The following EBF2 variants were observed in gnomAD, a reference collection of about 807,000 sequenced individuals.
The protein encoded by EBF2 is transcription factor COE2.
Under a neutral mutation model 72.8 loss-of-function variants are expected in EBF2, and 21 were observed. That is an observed-to-expected ratio of 0.29 (90% CI 0.20 to 0.42). The LOEUF (loss-of-function observed/expected upper bound fraction) is 0.42, where lower values mean the gene tolerates loss of function less well. Among genes scored for constraint, EBF2 ranks in the 10% least tolerant of loss-of-function variants. EBF2 has a pLI of 1.00. For missense variants in EBF2, 637 were observed against 731.2 expected (o/e 0.87, Z 1.49); for synonymous variants, 299 against 274.2 (o/e 1.09, Z -0.89).
intron 6 of EBF2, among the ~76,000 whole-genome samples, chr8:25,909,707 A>G (rs1393028081): frequency 2.0e-5 from 3 of 152,236 alleles, no homozygotes; most frequent in Non-Finnish European, 2.9e-5. Context: ...CACACAAAAG[A>G]ATTAGATAGC....
At chr8:25,899,126 G>A (rs1353655168) in intron 7 of EBF2, among the ~76,000 whole-genome samples, 4 of 152,030 alleles carry the variant, frequency 2.6e-5, no homozygotes, top group Non-Finnish European at 5.9e-5. Flanking sequence ...CAAAATTTAG[G>A]GGTGGAGGCA....
intron 6 of EBF2, among the ~76,000 whole-genome samples, chr8:26,000,883 A>G (rs569913802): frequency 1.3e-5 from 2 of 152,340 alleles, no homozygotes; most frequent in South Asian, 2.1e-4. Context: ...ATAAAGGAAA[A>G]TCGTTGTATT....
intron 6 of EBF2, among the ~76,000 whole-genome samples, chr8:25,985,635 A>T (rs568560454): frequency 6.6e-6 from 1 of 152,298 alleles, no homozygotes; most frequent in African/African-American, 2.4e-5. Flanking sequence ...ATTCACTGAA[A>T]GATTATTCAT....
intron 10 of EBF2, among the ~76,000 whole-genome samples, chr8:25,879,710 C>A (rs986739428): frequency 6.6e-6 from 1 of 152,174 alleles, no homozygotes; most frequent in African/African-American, 2.4e-5. Flanking sequence ...CAACTTTAAT[C>A]CTGCATGCTG....
rs574093457 is a variant in EBF2 at position 25,943,633 on chromosome 8, C to T, written c.552-35078G>A. 1.3e-4 allele frequency among the ~76,000 whole-genome samples: 20 copies of T among 152,276 alleles called. 1 individual carries two copies. The South Asian group carries it at 4.1e-3, about 32-fold the overall frequency. On this transcript the variant is annotated intron_variant, in intron 6 of 15. Coordinates refer to ENST00000520164, the MANE Select transcript of EBF2 (RefSeq NM_022659.4). ...TTGTACCTGGTTCACCCTCAGAAAA[C>T]ATGGTGACTGCTTTAGTTCCAGGGA... is the stretch of plus-strand genomic sequence containing the variant.
chr8:25,961,584 A>C (rs1170456732), intron 6 of EBF2, among the ~76,000 whole-genome samples: 2 of 152,056 alleles, frequency 1.3e-5, no homozygotes, highest in Non-Finnish European at 2.9e-5. Context: ...GCTGGTCTTG[A>C]ACTCTTGACC....
intron 7 of EBF2, among the ~76,000 whole-genome samples, chr8:25,899,459 T>C (rs1802913585): frequency 6.6e-6 from 1 of 152,192 alleles, no homozygotes; most frequent in African/African-American, 2.4e-5. Context: ...CACTGAAAGA[T>C]GTGAACTGAA....
intron 6 of EBF2, among the ~76,000 whole-genome samples, chr8:26,003,740 A>T (rs1390373561): frequency 2.0e-5 from 3 of 152,176 alleles, no homozygotes; most frequent in Non-Finnish European, 4.4e-5. Context: ...GGAAGAGGTG[A>T]CAGCCAGGAT....
At chr8:26,043,749 G>C (rs1805650312) in intron 1 of EBF2, among the ~76,000 whole-genome samples, 1 of 152,198 alleles carries the variant, frequency 6.6e-6, no homozygotes, top group Non-Finnish European at 1.5e-5. Flanking sequence ...GTGGCCAGGA[G>C]GGCAGCAGGG....
rs963058176 is a variant in EBF2 at position 25,920,588 on chromosome 8, G to T, written c.552-12033C>A. Among the ~76,000 whole-genome samples the T allele has an allele frequency of 3.3e-5, 5 of 152,192 alleles. No homozygotes were observed. The South Asian group carries it at 6.2e-4, about 19-fold the overall frequency. On this transcript the variant is annotated intron_variant, in intron 6 of 15. Transcript: ENST00000520164. ...TGGAGAGAAAGCGATTGTGACCCAC[G>T]CAGAGTTAGTTAGCTTTTGAGTAAT...
Position 25,908,010 on chromosome 8 carries a change from G to A in EBF2, c.633+464C>T, listed in dbSNP as rs1487030884. Among the ~76,000 whole-genome samples, 11 of 152,208 alleles carry A rather than the reference G, an allele frequency of 7.2e-5. No individual in the cohort carries two copies. In the East Asian group the frequency reaches 1.9e-3, roughly 27 times the overall value. On this transcript the variant is annotated intron_variant, in intron 7 of 15. Coordinates refer to ENST00000520164, the MANE Select transcript of EBF2 (RefSeq NM_022659.4). ...CCCGTGGGTCTTGTTGTCACGCTGC[G>A]ATCTTAAAGTGACCACGCTGCTTGG...
In EBF2 at chr8:25,952,699, G is replaced by T. The variant is rs1431345991; in HGVS notation, c.552-44144C>A. Among the ~76,000 whole-genome samples the T allele has an allele frequency of 3.9e-5, 6 of 152,140 alleles. No individual in the cohort carries two copies. In the East Asian group the frequency reaches 1.2e-3, roughly 29 times the overall value. On this transcript the variant is annotated intron_variant, in intron 6 of 15. Coordinates refer to ENST00000520164, the MANE Select transcript of EBF2 (RefSeq NM_022659.4). ...AGCCCTTCATCTATGCAAGTTTTAT[G>T]CTCTATTTCAAACCCAAGTGAATGT...
chr8:25,967,124 C>T (rs1486779176), intron 6 of EBF2, among the ~76,000 whole-genome samples: 1 of 152,108 alleles, frequency 6.6e-6, no homozygotes, highest in Non-Finnish European at 1.5e-5. Flanking sequence ...ATCAAAACTC[C>T]AACTAATGGT....
chr8:26,014,221 C>T (rs1400891068), intron 6 of EBF2, among the ~76,000 whole-genome samples: 1 of 152,058 alleles, frequency 6.6e-6, no homozygotes, highest in Non-Finnish European at 1.5e-5. Context: ...AAGATTCACT[C>T]TGGACACTCC....
rs531035763 is a variant in EBF2 at position 25,977,219 on chromosome 8, C to T, written c.551+55866G>A. On this transcript the variant is annotated intron_variant, in intron 6 of 15. Coordinates refer to ENST00000520164, the MANE Select transcript of EBF2 (RefSeq NM_022659.4). ...GCTCGGGGTACAGTGAAGGGCAGGG[C>T]GGGGTTTCAGAGCTGTCCCCTTAAT... Among the ~76,000 whole-genome samples the T allele has an allele frequency of 5.9e-5, 9 of 152,250 alleles. No individual in the cohort carries two copies. In the East Asian group the frequency reaches 1.4e-3, roughly 23 times the overall value.
intron 7 of EBF2, among the ~76,000 whole-genome samples, chr8:25,904,226 G>A (rs572345243): frequency 8.1e-6 from 1 of 122,722 alleles, no homozygotes; most frequent in African/African-American, 3.2e-5. Context: ...TTCTTAAAGG[G>A]GTCTGGGCCA....
chr8:26,038,856 C>T (rs563006891), intron 5 of EBF2, among the ~76,000 whole-genome samples: 1 of 152,298 alleles, frequency 6.6e-6, no homozygotes, highest in South Asian at 2.1e-4. Context: ...TTCTTCCTGA[C>T]TGGGTTGGGG....
intron 6 of EBF2, among the ~76,000 whole-genome samples, chr8:25,959,782 T>C (rs1166012382): frequency 6.6e-6 from 1 of 151,652 alleles, no homozygotes; most frequent in Non-Finnish European, 1.5e-5. Context: ...CAGAGTCTCA[T>C]GCAAAACATG....
In EBF2 at chr8:25,861,182, G is replaced by A. The variant is rs1802205901; in HGVS notation, c.1209C>T (p.Tyr403=). The part of the protein sequence containing the change: ...KRAADIAEAL[Y]SVPRNPSQLP... The stretch of plus-strand genomic sequence containing the variant: ...GCTGGCTGGGATTCCTGGGGACGCT[G>A]TAGAGAGCTTCAGCAATGTCTGCGG... Residue 403 remains tyrosine, a synonymous_variant, in exon 13 of 16, where the codon TAC becomes TAT. Coordinates refer to ENST00000520164, the MANE Select transcript of EBF2 (RefSeq NM_022659.4). The A allele has an allele frequency of 5.6e-6, 9 of 1,613,836 alleles. No homozygotes were observed. The highest frequency in any genetic ancestry group is 1.3e-5 in the African/African-American group (1 of 74,922).
Sources: gnomAD v4.1 joint callset for allele counts (sites outside exome capture counted in the v4.1 genomes callset) on GRCh38, gnomAD v4.1.1 for gene constraint, MANE v1.5 for transcripts, NCBI Gene and HGNC (gene_info 2026-07-23, HGNC 2026-07-21) for gene names.